APC: variants seen among roughly 807,000 people sequenced by gnomAD.
APC encodes the protein adenomatous polyposis coli protein.
In APC, 72 loss-of-function variants were observed where a neutral mutation model predicts 247.0. The ratio of observed to expected loss-of-function variants is 0.29; its 90% confidence interval spans 0.24 to 0.35. APC has a LOEUF of 0.35. Ranked by LOEUF, APC falls within the 10% of genes least tolerant of loss-of-function variation. The pLI, the probability that APC is intolerant of heterozygous loss-of-function variation, is 1.00. For missense variants in APC, 3,400 were observed against 3,360.7 expected (o/e 1.01, Z -0.29); for synonymous variants, 1,254 against 1,162.5 (o/e 1.08, Z -1.60).
intron 4 of APC, 79 bp from the exon 5 acceptor site, chr5:112,775,547 TAAC>T (rs1177101922): frequency 4.9e-6 from 4 of 809,288 alleles, no homozygotes; most frequent in Non-Finnish European, 8.2e-6. Flanking sequence ...AAGTTTGCAA[TAAC>T]AACTGATGTA....
At chr5:112,766,526 A>T in intron 3 of APC, 116 bp downstream of exon 3, 1 of 700,240 alleles carries the variant, frequency 1.4e-6, no homozygotes, top group South Asian at 1.7e-5. Flanking sequence ...TTTTCTTGGT[A>T]TGTTAGCCTT....
At position 112,839,888 on chromosome 5, in the gene APC, C is replaced by A. The variant is rs1323250553; in HGVS notation, c.4294C>A (p.Pro1432Thr). 1.2e-6 allele frequency: 2 copies of A among 1,614,020 alleles called. No homozygotes were observed. Among genetic ancestry groups the A allele is most frequent in the Non-Finnish European group, 1.7e-6 (2 of 1,179,994 alleles). Residue 1432 changes from proline to threonine, a missense_variant, in exon 16 of 16, where the codon CCA becomes ACA. By Grantham distance (38) the Pro-to-Thr change is conservative. Transcript: ENST00000257430. This position sits in a 1 kb window ranked among gnomAD's most constrained non-coding sequence, Gnocchi z 5.0. The part of the protein sequence containing the change: ...DLPDSPGQTM[P>T]PSRSKTPPPP... ...TCCAGATAGCCCTGGACAAACCATG[C>A]CACCAAGCAGAAGTAAAACACCTCC...
intron 1 of APC, among the ~76,000 whole-genome samples, chr5:112,712,861 A>G (rs1401187107): frequency 2.0e-5 from 3 of 152,166 alleles, no homozygotes; most frequent in Admixed American, 1.3e-4. Context: ...TATAATACCC[A>G]GTTAACATTG....
In APC at chr5:112,775,613, A is replaced by T. The variant is rs78919815; in HGVS notation, c.423-16A>T. On this transcript the variant is annotated splice_polypyrimidine_tract_variant and intron_variant, in intron 4 of 15. Transcript: ENST00000257430. ...GCATTGTTTAAACGTACCTTTTTTT[A>T]AAAAAAAAAAAATAGGTCATTGCTT... 3,230 of 412,922 alleles carry T rather than the reference A, an allele frequency of 7.8e-3. 5 individuals carry two copies. Among genetic ancestry groups the T allele is most frequent in the South Asian group, 0.022 (419 of 18,746 alleles). The allele number at this position is 412,922 out of a possible 1,614,324, so 25.6% of individuals were successfully genotyped here.
At chr5:112,707,989 T>C (rs2149632138) in intron 1 of APC, 3 of 1,153,756 alleles carry the variant, frequency 2.6e-6, no homozygotes, top group Non-Finnish European at 3.4e-6. Flanking sequence ...TGTGGCTCTC[T>C]TCTCTCCATG....
intron 11 of APC, 95 bp downstream of exon 11, chr5:112,822,086 A>G (rs1220414627): frequency 9.1e-5 from 80 of 880,834 alleles, no homozygotes; most frequent in Non-Finnish European, 1.4e-4. Context: ...ATTTTTAATC[A>G]TTGATGAATT....
At chr5:112,764,507 T>C (rs1756046224) in intron 2 of APC, among the ~76,000 whole-genome samples, 1 of 152,186 alleles carries the variant, frequency 6.6e-6, no homozygotes, top group Non-Finnish European at 1.5e-5. Context: ...GCTAATGCCA[T>C]TTAACTGAGA....
chr5:112,790,416 C>G (rs1759444077), intron 6 of APC, among the ~76,000 whole-genome samples: 1 of 152,168 alleles, frequency 6.6e-6, no homozygotes, highest in South Asian at 2.1e-4. Flanking sequence ...ACCTCTGCCT[C>G]CTGGGTTCGA....
chr5:112,738,332 C>T (rs539701598), intron 1 of APC: 1 of 985,542 alleles, frequency 1.0e-6, no homozygotes, highest in Middle Eastern at 5.2e-4. Flanking sequence ...TGAAAGGCTT[C>T]TTTTCCTCCC....
chr5:112,788,963 T>C (rs1759284846), intron 6 of APC, among the ~76,000 whole-genome samples: 1 of 152,176 alleles, frequency 6.6e-6, no homozygotes, highest in Non-Finnish European at 1.5e-5. Flanking sequence ...GAAACAATGA[T>C]AGTGGTCTTC....
intron 1 of APC, among the ~76,000 whole-genome samples, chr5:112,726,243 G>A (rs868005454): frequency 6.6e-6 from 1 of 152,338 alleles, no homozygotes; most frequent in Middle Eastern, 3.4e-3. Context: ...CCAGGTCCTT[G>A]TCTGGCATCC....
chr5:112,713,401 C>T (rs1176191692), intron 1 of APC, among the ~76,000 whole-genome samples: 3 of 152,156 alleles, frequency 2.0e-5, no homozygotes, highest in Non-Finnish European at 4.4e-5. Flanking sequence ...CCTTTCATCT[C>T]TTAATTAGGC....
Position 112,827,139 on chromosome 5 carries a change from A to T in APC, c.1440A>T (p.Gln480His), listed in dbSNP as rs863224537. 6.2e-7 allele frequency: 1 copy of T among 1,613,628 alleles called. No homozygotes were observed. Among genetic ancestry groups the T allele is most frequent in the African/African-American group, 1.3e-5 (1 of 74,902 alleles). ...TACAGGCCATTGCAGAATTATTGCA[A>T]GTGGACTGTGAAATGTATGGGCTTA... ...GGLQAIAELL[Q>H]VDCEMYGLTN... The change falls in exon 12 of 16, where the codon CAA becomes CAT. Residue 480 changes from glutamine to histidine, a missense_variant. Coordinates refer to ENST00000257430, the MANE Select transcript of APC (RefSeq NM_000038.6).
chr5:112,809,654 T>G (rs749710662), intron 8 of APC, among the ~76,000 whole-genome samples: 5 of 151,646 alleles, frequency 3.3e-5, no homozygotes, highest in Non-Finnish European at 7.4e-5. Context: ...TCCTTGGGCC[T>G]TCTTTCCTAC....
At chr5:112,747,920 T>C (rs1177021570) in intron 1 of APC, among the ~76,000 whole-genome samples, 1 of 152,228 alleles carries the variant, frequency 6.6e-6, no homozygotes. Flanking sequence ...ATTAGGAAAT[T>C]ATGCTTTAGA....
intron 2 of APC, among the ~76,000 whole-genome samples, chr5:112,761,949 G>C (rs1426221245): frequency 1.3e-5 from 2 of 152,138 alleles, no homozygotes; most frequent in Non-Finnish European, 2.9e-5. Flanking sequence ...GAAAAAGTAA[G>C]CCATAGAGGA....
intron 1 of APC, among the ~76,000 whole-genome samples, chr5:112,746,943 C>G (rs1753752905): frequency 1.6e-5 from 2 of 121,532 alleles, no homozygotes; most frequent in Non-Finnish European, 3.9e-5. Context: ...AAGGTGGCCA[C>G]ACAAGGGTTA....
chr5:112,739,823 C>A (rs1286041854), intron 1 of APC, among the ~76,000 whole-genome samples: 1 of 152,182 alleles, frequency 6.6e-6, no homozygotes, highest in African/African-American at 2.4e-5. Flanking sequence ...TCTTTGAATT[C>A]CATTAGCATA....
chr5:112,827,343 C>G (rs2149811326), intron 12 of APC, 96 bp downstream of exon 12: 3 of 1,350,388 alleles, frequency 2.2e-6, no homozygotes, highest in Non-Finnish European at 3.1e-6. Flanking sequence ...TTTTTTCACT[C>G]TCCTCATTAA....
Sources: allele counts gnomAD v4.1 joint callset (sites outside exome capture counted in the v4.1 genomes callset), GRCh38; gene constraint gnomAD v4.1.1; non-coding constraint Gnocchi (gnomAD v3.1); transcripts MANE v1.5; gene names NCBI Gene and HGNC (gene_info 2026-07-23, HGNC 2026-07-21).